The following RABGAP1L variants were observed in gnomAD, a reference collection of about 807,000 sequenced individuals.
RABGAP1L encodes rab GTPase-activating protein 1-like.
A neutral mutation model predicts 137.7 loss-of-function variants in RABGAP1L; 63 were observed. The observed-to-expected ratio is 0.46, with a 90% CI of 0.37 to 0.56. The LOEUF is 0.56. Among genes scored for constraint, RABGAP1L ranks in the 20% least tolerant of loss-of-function variants. RABGAP1L has a pLI of 0.00. For missense variants in RABGAP1L, 1,095 were observed against 1,244.0 expected (o/e 0.88, Z 1.80); for synonymous variants, 431 against 433.7 (o/e 0.99, Z 0.08).
chr1:174,355,696 G>A (rs1440768671), intron 11 of RABGAP1L, among the ~76,000 whole-genome samples: 1 of 151,888 alleles, frequency 6.6e-6, no homozygotes, highest in South Asian at 2.1e-4. Flanking sequence ...GACTGCCCTA[G>A]GTCTCGAGTA....
chr1:174,276,735 A>G (rs752413624), intron 9 of RABGAP1L, among the ~76,000 whole-genome samples: 2 of 151,960 alleles, frequency 1.3e-5, no homozygotes, highest in Admixed American at 1.3e-4. Flanking sequence ...TAGTTTTTTA[A>G]CTTTTCATAT....
At chr1:174,297,478 C>T (rs1199749519) in intron 10 of RABGAP1L, among the ~76,000 whole-genome samples, 1 of 152,184 alleles carries the variant, frequency 6.6e-6, no homozygotes, top group Non-Finnish European at 1.5e-5. Context: ...GGGCGAACTT[C>T]TCGAGTTCCA....
intron 10 of RABGAP1L, among the ~76,000 whole-genome samples, chr1:174,287,144 A>G (rs1676134080): frequency 6.6e-6 from 1 of 152,028 alleles, no homozygotes; most frequent in Admixed American, 6.6e-5. Flanking sequence ...AGTCCCCTTT[A>G]TTATTATATT....
At position 174,620,311 on chromosome 1, in the gene RABGAP1L, C is replaced by A. The variant is rs543844314; in HGVS notation, c.1711-17064C>A. 8.5e-5 allele frequency among the ~76,000 whole-genome samples: 13 copies of A among 152,280 alleles called. No individual in the cohort carries two copies. In the South Asian group the frequency reaches 2.7e-3, roughly 32 times the overall value. ...AACAGCCATCTGCAGAACTCTTCAC[C>A]CCAAATCAACAGAATATACATTCTT... On this transcript the variant is annotated intron_variant, in intron 13 of 25. Coordinates refer to ENST00000681986, the MANE Select transcript of RABGAP1L (RefSeq NM_001366446.1).
chr1:174,315,309 C>CT (rs1436853058), intron 11 of RABGAP1L, among the ~76,000 whole-genome samples: 4 of 152,004 alleles, frequency 2.6e-5, no homozygotes, highest in Admixed American at 2.0e-4. Flanking sequence ...TATTCCTGCT[C>CT]TTTTTTGTTT....
At chr1:174,857,132 G>T (rs187200963) in intron 19 of RABGAP1L, among the ~76,000 whole-genome samples, 2 of 152,214 alleles carry the variant, frequency 1.3e-5, no homozygotes. Flanking sequence ...TCTGCCCACT[G>T]TCGTCTGCTT....
At chr1:174,715,233 T>G (rs766308968) in intron 17 of RABGAP1L, among the ~76,000 whole-genome samples, 6 of 152,226 alleles carry the variant, frequency 3.9e-5, no homozygotes, top group Non-Finnish European at 4.4e-5. Context: ...AAGCATCTTC[T>G]AAGTAATAAG....
chr1:174,774,081 T>C (rs919675429), intron 18 of RABGAP1L, among the ~76,000 whole-genome samples: 2 of 152,234 alleles, frequency 1.3e-5, no homozygotes, highest in Non-Finnish European at 2.9e-5. Context: ...GAAATGTAAC[T>C]GAAGCATATA....
chr1:174,938,573 C>T (rs375663291), intron 19 of RABGAP1L: 2 of 152,154 alleles, frequency 1.3e-5, no homozygotes, highest in Admixed American at 1.3e-4. Context: ...GCAACAGACT[C>T]GGCTTCAGAA....
intron 13 of RABGAP1L, among the ~76,000 whole-genome samples, chr1:174,422,969 T>TAAA (rs1651514111): frequency 7.6e-6 from 1 of 130,786 alleles, no homozygotes; most frequent in African/African-American, 4.5e-5. Context: ...AAAAAAAAAT[T>TAAA]TTTTTTGAAC....
intron 13 of RABGAP1L, among the ~76,000 whole-genome samples, chr1:174,429,454 A>G (rs186906872): frequency 9.1e-4 from 138 of 152,210 alleles, no homozygotes; most frequent in Admixed American, 1.1e-3. Context: ...AGATAAACCA[A>G]TGGAGGGCCG....
At chr1:174,284,082 T>C (rs1002032245) in intron 10 of RABGAP1L, among the ~76,000 whole-genome samples, 5 of 152,240 alleles carry the variant, frequency 3.3e-5, no homozygotes, top group African/African-American at 1.2e-4. Flanking sequence ...AGTTAACACA[T>C]CTGTCACCTC....
Position 174,231,216 on chromosome 1 carries a change from A to G in RABGAP1L, c.403A>G (p.Thr135Ala). 1 of 1,613,910 alleles carries G rather than the reference A, an allele frequency of 6.2e-7. No homozygotes were observed. The highest frequency in any genetic ancestry group is 8.5e-7 in the Non-Finnish European group (1 of 1,179,840). Residue 135 changes from threonine (T) to alanine (A), a missense_variant, in exon 4 of 26, where the codon ACC becomes GCC. Around this residue, in one of 4 missense-constraint regions of RABGAP1L, gnomAD observed 356 missense variants for 326.3 expected, o/e 1.09. Transcript: ENST00000681986. The stretch of plus-strand genomic sequence containing the variant: ...AGATAGTGTTTTATTTAATAAACTG[A>G]CCTACTTAGGATGTATGAAGGTTTC... ...EEDSVLFNKL[T>A]YLGCMKVSSP...
intron 13 of RABGAP1L, among the ~76,000 whole-genome samples, chr1:174,453,844 AGT>A (rs1451201546): frequency 6.6e-6 from 1 of 152,188 alleles, no homozygotes; most frequent in African/African-American, 2.4e-5. Flanking sequence ...CAATAGTAAA[AGT>A]GTTTTTTTAA....
At chr1:174,169,826 TG>T (rs1665203275) in intron 1 of RABGAP1L, among the ~76,000 whole-genome samples, 1 of 142,794 alleles carries the variant, frequency 7.0e-6, no homozygotes, top group African/African-American at 2.7e-5. Flanking sequence ...GAGTAGCTGG[TG>T]GGACTATAGG....
chr1:174,597,531 T>G (rs1015287701), intron 13 of RABGAP1L, among the ~76,000 whole-genome samples: 4 of 152,140 alleles, frequency 2.6e-5, no homozygotes, highest in Non-Finnish European at 4.4e-5. Flanking sequence ...CTAATGATCT[T>G]TGAATTTCTG....
chr1:174,708,056 A>G (rs1308742302), intron 17 of RABGAP1L, among the ~76,000 whole-genome samples: 1 of 152,196 alleles, frequency 6.6e-6, no homozygotes, highest in East Asian at 1.9e-4. Context: ...TCAGCTTTAT[A>G]TAGTAACTTG....
intron 12 of RABGAP1L, among the ~76,000 whole-genome samples, chr1:174,387,310 G>T (rs1420098650): frequency 1.3e-5 from 2 of 152,120 alleles, no homozygotes; most frequent in Admixed American, 1.3e-4. Context: ...ATTTAAAGAT[G>T]AGTAAGGATA....
chr1:174,179,583 C>CACT (rs1666190308), intron 1 of RABGAP1L, among the ~76,000 whole-genome samples: 1 of 147,284 alleles, frequency 6.8e-6, no homozygotes. Flanking sequence ...CACACACACA[C>CACT]TTTTTAACTG....
Sources: gnomAD v4.1 joint callset for allele counts (sites outside exome capture counted in the v4.1 genomes callset) on GRCh38, gnomAD v4.1.1 for gene constraint, gnomAD v4.1.1 regional missense constraint, MANE v1.5 for transcripts, NCBI Gene and HGNC (gene_info 2026-07-23, HGNC 2026-07-21) for gene names.